Variants in KAZN observed in about 807,000 individuals in gnomAD.
KAZN encodes kazrin.
Under a neutral mutation model 87.4 loss-of-function variants are expected in KAZN, and 40 were observed. The observed-to-expected ratio is 0.46, with a 90% CI of 0.36 to 0.60. The LOEUF (loss-of-function observed/expected upper bound fraction) is 0.60, where lower values mean the gene tolerates loss of function less well. Among genes scored for constraint, KAZN ranks in the 20% least tolerant of loss-of-function variants. The pLI, the probability that KAZN is intolerant of heterozygous loss-of-function variation, is 0.00. For synonymous variants in KAZN, 466 were observed against 458.3 expected, an observed-to-expected ratio of 1.02 and a Z score of -0.22; for missense variants, 898 against 1,073.9, an observed-to-expected ratio of 0.84 and a Z score of 2.29.
At chr1:13,926,417 A>G (rs1245251798) in intron 1 of KAZN, among the ~76,000 whole-genome samples, 2 of 152,146 alleles carry the variant, frequency 1.3e-5, no homozygotes, top group East Asian at 3.9e-4. Context: ...TTCCATGTTT[A>G]GGACAAGAAT....
chr1:14,835,197 TTG>T (rs1443201367), intron 1 of KAZN, among the ~76,000 whole-genome samples: 2 of 152,342 alleles, frequency 1.3e-5, no homozygotes, highest in East Asian at 3.9e-4. Flanking sequence ...CTACCTGTCT[TTG>T]TATCTGCTTT....
chr1:15,066,586 T>C lies in KAZN; in HGVS notation c.1222+833T>C, dbSNP rs1237916475. 3.0e-6 allele frequency: 3 copies of C among 983,946 alleles called. No individual in the cohort carries two copies. The African/African-American group carries it at 5.2e-5, about 17-fold the overall frequency. 61.0% of individuals were successfully genotyped at this position (983,946 alleles called of 1,614,324 possible). On this transcript the variant is annotated intron_variant, in intron 8 of 14. Coordinates refer to ENST00000376030, the MANE Select transcript of KAZN (RefSeq NM_201628.3). This position sits in a 1 kb window ranked among gnomAD's most constrained non-coding sequence, Gnocchi z 4.3. ...AAAAAAAAGAAAAAAAGAAAATTGTTTCATTTAATTTATTTGCACAAATGC... is the reference window on the plus strand; with the variant it reads ...AAAAAAAAGAAAAAAAGAAAATTGTCTCATTTAATTTATTTGCACAAATGC...
At chr1:14,250,999 A>G (rs1237238861) in intron 2 of KAZN, among the ~76,000 whole-genome samples, 1 of 152,184 alleles carries the variant, frequency 6.6e-6, no homozygotes, top group East Asian at 1.9e-4. Flanking sequence ...CAAAACAACA[A>G]CAACAAAAAA....
rs16853847 is a variant in KAZN at position 14,246,811 on chromosome 1, A to G, written c.249+66219A>G. 7.7e-3 allele frequency among the ~76,000 whole-genome samples: 1,172 copies of G among 152,180 alleles called. 21 individuals carry two copies. Among genetic ancestry groups the G allele is most frequent in the African/African-American group, 0.027 (1,104 of 41,528 alleles). ...TTTGTCCATGACCTGCTTTTTTTTC[A>G]AACAATATTATGTGTGTGAGCTTCC... On this transcript the variant is annotated intron_variant, in intron 2 of 16. Transcript: ENST00000636203.
chr1:14,272,448 AAATC>A (rs776156089), intron 2 of KAZN, among the ~76,000 whole-genome samples: 8 of 152,242 alleles, frequency 5.3e-5, no homozygotes, highest in Non-Finnish European at 7.3e-5. Flanking sequence ...ACTGTGTAGC[AAATC>A]AATCAAACTT....
At chr1:14,631,090 C>T (rs940496326) in intron 1 of KAZN, among the ~76,000 whole-genome samples, 5 of 152,102 alleles carry the variant, frequency 3.3e-5, no homozygotes, top group African/African-American at 4.8e-5. Context: ...TGGAACATCC[C>T]CTACCCTGCT....
At chr1:14,942,761 A>G (rs1377369381) in intron 1 of KAZN, among the ~76,000 whole-genome samples, 3 of 152,184 alleles carry the variant, frequency 2.0e-5, no homozygotes, top group Non-Finnish European at 4.4e-5. Flanking sequence ...AGCACAGGTC[A>G]GGGCTGCACC....
intron 1 of KAZN, among the ~76,000 whole-genome samples, chr1:14,766,460 A>T (rs1475671774): frequency 1.3e-5 from 2 of 151,968 alleles, no homozygotes; most frequent in African/African-American, 4.8e-5. Flanking sequence ...CAGGGAAGAG[A>T]TGCCGGCTGG....
chr1:14,527,743 A>G (rs765904993), intron 2 of KAZN, among the ~76,000 whole-genome samples: 6 of 152,088 alleles, frequency 3.9e-5, no homozygotes, highest in Non-Finnish European at 8.8e-5. Context: ...GGGAGGTTCC[A>G]GGCTCTTTTT....
chr1:14,173,484 ACAGT>A (rs1645998766), intron 1 of KAZN, among the ~76,000 whole-genome samples: 1 of 152,122 alleles, frequency 6.6e-6, no homozygotes, highest in Non-Finnish European at 1.5e-5. Context: ...CAGCTGCTCC[ACAGT>A]CCTACCAGTC....
At chr1:14,086,146 G>A (rs7525812) in intron 1 of KAZN, among the ~76,000 whole-genome samples, 1,769 of 152,136 alleles carry the variant, frequency 0.012, 36 homozygotes, top group African/African-American at 0.041. Flanking sequence ...TATTTTGGAC[G>A]CAAATCTCTT....
At chr1:14,131,199 G>A (rs1430104615) in intron 1 of KAZN, among the ~76,000 whole-genome samples, 5 of 152,150 alleles carry the variant, frequency 3.3e-5, no homozygotes, top group African/African-American at 1.2e-4. Context: ...CAGCAAGGAG[G>A]AAATCTGCTC....
chr1:14,674,269 G>A (rs59709497), intron 1 of KAZN, among the ~76,000 whole-genome samples: 25,171 of 152,166 alleles, frequency 0.17, 2,280 homozygotes, highest in Admixed American at 0.26. Flanking sequence ...AGTGAGCCCT[G>A]TTTTATGCCA....
intron 2 of KAZN, among the ~76,000 whole-genome samples, chr1:14,300,853 T>G (rs1654502151): frequency 6.6e-6 from 1 of 152,212 alleles, no homozygotes; most frequent in South Asian, 2.1e-4. Context: ...GTATCCTACC[T>G]GTGAACACCA....
At chr1:15,085,459 C>T (rs988076840) in intron 8 of KAZN, among the ~76,000 whole-genome samples, 3 of 152,196 alleles carry the variant, frequency 2.0e-5, no homozygotes, top group Admixed American at 2.0e-4. Context: ...TCCTGAGTAG[C>T]TGGGATTACA....
At chr1:14,662,913 TAC>T (rs1639280158) in intron 1 of KAZN, among the ~76,000 whole-genome samples, 2 of 144,348 alleles carry the variant, frequency 1.4e-5, no homozygotes, top group Non-Finnish European at 3.1e-5. Flanking sequence ...AATATATATA[TAC>T]ACATATATAT....
chr1:15,040,254 A>G (rs555630982), intron 3 of KAZN, among the ~76,000 whole-genome samples: 1 of 148,312 alleles, frequency 6.7e-6, no homozygotes, highest in East Asian at 1.9e-4. Flanking sequence ...TGCATGATAA[A>G]TGTCCCCCTG....
At chr1:14,032,408 A>G (rs1183477033) in intron 1 of KAZN, among the ~76,000 whole-genome samples, 1 of 152,150 alleles carries the variant, frequency 6.6e-6, no homozygotes, top group Non-Finnish European at 1.5e-5. Context: ...TAGAGTTCCA[A>G]TCCAGATTGG....
chr1:14,335,451 C>T (rs896116361), intron 2 of KAZN, among the ~76,000 whole-genome samples: 1 of 152,094 alleles, frequency 6.6e-6, no homozygotes, highest in African/African-American at 2.4e-5. Context: ...GATCCGTCCA[C>T]CTCAGCCTTC....
Sources: allele counts gnomAD v4.1 joint callset (sites outside exome capture counted in the v4.1 genomes callset), GRCh38; gene constraint gnomAD v4.1.1; non-coding constraint Gnocchi (gnomAD v3.1); transcripts MANE v1.5; gene names NCBI Gene and HGNC (gene_info 2026-07-23, HGNC 2026-07-21).